Variants in ANKRD13C observed in about 807,000 individuals in gnomAD.
ANKRD13C encodes the protein ankyrin repeat domain 13C.
ANKRD13C carries 16 observed loss-of-function variants against 65.5 expected under a neutral mutation model. That is an observed-to-expected ratio of 0.24 (90% CI 0.17 to 0.37). ANKRD13C has a LOEUF of 0.37. Among genes scored for constraint, ANKRD13C ranks in the 10% least tolerant of loss-of-function variants. The pLI is 1.00. For missense variants in ANKRD13C, 503 were observed against 655.9 expected, an observed-to-expected ratio of 0.77 and a Z score of 2.55; for synonymous variants, 235 against 238.7, an observed-to-expected ratio of 0.98 and a Z score of 0.14.
At chr1:70,270,375 A>G (rs1002362032) in intron 12 of ANKRD13C, among the ~76,000 whole-genome samples, 12 of 152,250 alleles carry the variant, frequency 7.9e-5, no homozygotes. Flanking sequence ...AAACATAAAT[A>G]AATGCATATA....
At chr1:70,335,748 T>C (rs1448202144) in intron 2 of ANKRD13C, among the ~76,000 whole-genome samples, 1 of 150,214 alleles carries the variant, frequency 6.7e-6, no homozygotes, top group East Asian at 1.9e-4. Context: ...AAAAGTATAA[T>C]AATAAATCTT....
chr1:70,259,153 T>C lies in ANKRD13C; in HGVS notation c.*3564A>G, dbSNP rs1008226304. On this transcript the variant is annotated 3_prime_UTR_variant, in exon 13 of 13. Transcript: ENST00000370944. Reference sequence around the variant, plus strand: ...TACCCATCATTAAGTGACACACAACTGTATTTAGAACATCCCAATTACTGT... The same window carrying C: ...TACCCATCATTAAGTGACACACAACCGTATTTAGAACATCCCAATTACTGT... Among the ~76,000 whole-genome samples, 1 of 152,188 alleles carries C rather than the reference T, an allele frequency of 6.6e-6. No homozygotes were observed. The highest frequency in any genetic ancestry group is 1.5e-5 in the Non-Finnish European group (1 of 68,028).
intron 1 of ANKRD13C, among the ~76,000 whole-genome samples, chr1:70,339,842 A>G (rs370659889): frequency 1.7e-5 from 2 of 118,778 alleles, no homozygotes; most frequent in Non-Finnish European, 3.5e-5. Flanking sequence ...TATTATTATT[A>G]TTATTATTAT....
At chr1:70,292,162 A>T (rs1044993592) in intron 9 of ANKRD13C, 8 of 329,476 alleles carry the variant, frequency 2.4e-5, no homozygotes, top group Admixed American at 4.9e-5. Flanking sequence ...TAATCTATTT[A>T]TTAATGAAGA....
Position 70,341,205 on chromosome 1 carries a change from T to C in ANKRD13C, c.431-5106A>G, listed in dbSNP as rs191197378. Among the ~76,000 whole-genome samples, 233 of 152,244 alleles carry C rather than the reference T, an allele frequency of 1.5e-3. 1 individual carries two copies. The highest frequency in any genetic ancestry group is 5.4e-3 in the African/African-American group (224 of 41,552). ...TTTTCAATCCTCTCACTTTCAACTT[T>C]TTAACGTCCTGATGTTTTAGATATG... is the stretch of plus-strand genomic sequence containing the variant. On this transcript the variant is annotated intron_variant, in intron 1 of 12. Transcript: ENST00000370944.
chr1:70,281,799 C>T (rs1209424587), intron 9 of ANKRD13C, among the ~76,000 whole-genome samples: 2 of 151,446 alleles, frequency 1.3e-5, no homozygotes, highest in Non-Finnish European at 2.9e-5. Flanking sequence ...TTCTAATTAG[C>T]ACTTTGGGAG....
intron 1 of ANKRD13C, among the ~76,000 whole-genome samples, chr1:70,343,130 C>T (rs1388133353): frequency 1.3e-5 from 2 of 152,160 alleles, no homozygotes; most frequent in Admixed American, 1.3e-4. Context: ...AACTAGAAGT[C>T]AGTTCAACAA....
intron 1 of ANKRD13C, among the ~76,000 whole-genome samples, chr1:70,337,548 T>C (rs1261772883): frequency 1.3e-5 from 2 of 151,974 alleles, no homozygotes; most frequent in South Asian, 4.2e-4. Flanking sequence ...TCCACTGCAC[T>C]GCAGCCTGGG....
intron 1 of ANKRD13C, among the ~76,000 whole-genome samples, chr1:70,347,843 C>G (rs1682595629): frequency 3.3e-5 from 5 of 152,170 alleles, no homozygotes; most frequent in Admixed American, 2.6e-4. Context: ...CCCCCACACC[C>G]AGGTAAGGGG....
intron 7 of ANKRD13C, 35 bp from the exon 8 acceptor site, chr1:70,296,296 AGGTT>A (rs2101299213): frequency 6.3e-7 from 1 of 1,592,944 alleles, no homozygotes; most frequent in Admixed American, 1.8e-5. Context: ...ATAAAAATCT[AGGTT>A]TTTCAAAAGT....
chr1:70,318,792 C>A (rs1681181249), intron 3 of ANKRD13C, among the ~76,000 whole-genome samples: 1 of 149,942 alleles, frequency 6.7e-6, no homozygotes, highest in Admixed American at 6.7e-5. Flanking sequence ...AAGCTATTCT[C>A]CTGCCTCAGT....
chr1:70,303,018 A>C (rs1241963882), intron 6 of ANKRD13C, among the ~76,000 whole-genome samples: 1 of 152,106 alleles, frequency 6.6e-6, no homozygotes, highest in African/African-American at 2.4e-5. Context: ...GATGCACAGA[A>C]AGACAGATAA....
intron 7 of ANKRD13C, 103 bp from the exon 8 acceptor site, chr1:70,296,364 G>C: frequency 8.7e-7 from 1 of 1,151,584 alleles, no homozygotes; most frequent in Non-Finnish European, 1.2e-6. Flanking sequence ...AATTTTTAAA[G>C]ACAAAAAGGA....
At chr1:70,316,835 T>C (rs1033381813) in intron 3 of ANKRD13C, among the ~76,000 whole-genome samples, 16 of 152,022 alleles carry the variant, frequency 1.1e-4, no homozygotes, top group African/African-American at 3.9e-4. Context: ...CATGGAAAAA[T>C]GTGCATCGGG....
chr1:70,290,075 A>C (rs1353154657), intron 9 of ANKRD13C, among the ~76,000 whole-genome samples: 1 of 152,228 alleles, frequency 6.6e-6, no homozygotes, highest in Non-Finnish European at 1.5e-5. Context: ...TTTATCCCAA[A>C]GTCAGAAGAA....
intron 4 of ANKRD13C, among the ~76,000 whole-genome samples, chr1:70,314,960 CG>C (rs370332903): frequency 1.4e-4 from 21 of 152,200 alleles, no homozygotes; most frequent in African/African-American, 5.1e-4. Flanking sequence ...ATATACAGGC[CG>C]GGCACGGTGG....
At chr1:70,263,605 G>C (rs893254716) in intron 12 of ANKRD13C, among the ~76,000 whole-genome samples, 1 of 152,072 alleles carries the variant, frequency 6.6e-6, no homozygotes, top group Non-Finnish European at 1.5e-5. Flanking sequence ...TTTTACTCAT[G>C]AGCCTCAGGG....
At chr1:70,278,218 C>T (rs143122561) in intron 9 of ANKRD13C, among the ~76,000 whole-genome samples, 1 of 145,640 alleles carries the variant, frequency 6.9e-6, no homozygotes, top group Non-Finnish European at 1.5e-5. Flanking sequence ...ACTGGCCAGG[C>T]GTGGTGGCTC....
At position 70,274,766 on chromosome 1, in the gene ANKRD13C, T is replaced by C; in HGVS notation, c.1348A>G (p.Lys450Glu). Residue 450 changes from lysine to glutamate, a missense_variant, in exon 11 of 13, where the codon AAA becomes GAA. By Grantham distance (56) the Lys-to-Glu change is moderately conservative. Coordinates refer to ENST00000370944, the MANE Select transcript of ANKRD13C (RefSeq NM_030816.5). Reference protein sequence around the residue: ...LVCKESKKTFKATIAMSQEFP... With the variant: ...LVCKESKKTFEATIAMSQEFP... ...TCCTGGCTCATGGCTATCGTAGCTT[T>C]AAACGTTTTCTTACTCTCTTTGCAC... The C allele has an allele frequency of 6.2e-7, 1 of 1,613,976 alleles. No individual in the cohort carries two copies. The highest frequency in any genetic ancestry group is 8.5e-7 in the Non-Finnish European group (1 of 1,179,908).
Sources: gnomAD v4.1 joint callset for allele counts (sites outside exome capture counted in the v4.1 genomes callset) on GRCh38, gnomAD v4.1.1 for gene constraint, MANE v1.5 for transcripts, NCBI Gene and HGNC (gene_info 2026-07-23, HGNC 2026-07-21) for gene names.